Variants in PDIK1L observed in about 807,000 individuals in gnomAD.
The protein encoded by PDIK1L is serine/threonine-protein kinase PDIK1L.
PDIK1L carries 9 observed loss-of-function variants against 27.1 expected under a neutral mutation model. That is an observed-to-expected ratio of 0.33 (90% CI 0.20 to 0.58). The LOEUF (loss-of-function observed/expected upper bound fraction) is 0.58, where lower values mean the gene tolerates loss of function less well. PDIK1L is among the 20% of genes least tolerant of loss of function. The pLI, the probability that PDIK1L is intolerant of heterozygous loss-of-function variation, is 0.86. For missense variants in PDIK1L, 216 were observed against 413.2 expected (o/e 0.52, Z 4.14); for synonymous variants, 130 against 141.7 (o/e 0.92, Z 0.59).
chr1:26,114,742 G>A lies in PDIK1L; in HGVS notation c.285+149G>A, dbSNP rs2087852357. On this transcript the variant is annotated intron_variant, in intron 2 of 2. Coordinates refer to ENST00000374269, the MANE Select transcript of PDIK1L (RefSeq NM_152835.5). This position sits in a 1 kb window ranked among gnomAD's most constrained non-coding sequence, Gnocchi z 4.8. ...AGTGTCTGCCAAGAATTGAGTAGAT[G>A]TTTGCTTTAAAACAAGGTTTTATTT... 2 of 934,328 alleles carry A rather than the reference G, an allele frequency of 2.1e-6. No individual in the cohort carries two copies. The highest frequency in any genetic ancestry group is 1.6e-6 in the Non-Finnish European group (1 of 635,096). 57.9% of individuals were successfully genotyped at this position (934,328 alleles called of 1,614,324 possible).
Position 26,122,631 on chromosome 1 carries a change from T to C in PDIK1L, c.*54T>C, listed in dbSNP as rs77675351. The C allele has an allele frequency of 6.8e-4, 1,041 of 1,524,568 alleles. 7 individuals carry two copies. The African/African-American group carries it at 0.013, about 19-fold the overall frequency. The allele number at this position is 1,524,568 out of a possible 1,614,324, so 94.4% of individuals were successfully genotyped here. On this transcript the variant is annotated 3_prime_UTR_variant, in exon 3 of 3. Transcript: ENST00000374269. The surrounding 1 kb of genome is among the most constrained non-coding windows in gnomAD (Gnocchi z 5.4). ...ATATGCTGCTTCTGTTTAACAGTGA[T>C]GCAACATTATGTGGCTGAAAAAGAA...
intron 2 of PDIK1L, among the ~76,000 whole-genome samples, chr1:26,120,003 T>C (rs1191507009): frequency 1.3e-5 from 2 of 152,170 alleles, no homozygotes; most frequent in African/African-American, 4.8e-5. Context: ...AGGGAAGCCA[T>C]TGAAGGGCCT....
Position 26,122,555 on chromosome 1 carries a change from A to C in PDIK1L, c.1004A>C (p.Lys335Thr). ...LELRLVQIAF[K>T]DSSWET ...CTCAGATTAGTACAAATTGCATTTA[A>C]AGATAGCAGCTGGGAAACGTGACAC... The change falls in exon 3 of 3, where the codon AAA (lysine) becomes ACA (threonine). Residue 335 changes from lysine to threonine, a missense_variant. This residue lies in a region of PDIK1L where 169 missense variants were observed against 366.0 expected (regional missense o/e 0.46). Transcript: ENST00000374269. This position sits in a 1 kb window ranked among gnomAD's most constrained non-coding sequence, Gnocchi z 5.4. 6.2e-7 allele frequency: 1 copy of C among 1,605,380 alleles called. No homozygotes were observed. Among genetic ancestry groups the C allele is most frequent in the Non-Finnish European group, 8.5e-7 (1 of 1,174,858 alleles).
intron 2 of PDIK1L, among the ~76,000 whole-genome samples, chr1:26,119,523 CTGTA>C (rs1048387377): frequency 6.6e-6 from 1 of 151,998 alleles, no homozygotes; most frequent in Non-Finnish European, 1.5e-5. Context: ...CAGAAAAAAA[CTGTA>C]CATACAAAGG....
upstream of PDIK1L, chr1:26,111,788 T>TGTCCGCGCGCACCACGGGGGCGC (rs2087799033): frequency 6.7e-6 from 1 of 149,930 alleles, no homozygotes; most frequent in African/African-American, 2.4e-5. This position sits in a 1 kb window ranked among gnomAD's most constrained non-coding sequence, Gnocchi z 4.0. Context: ...TAAGGGGGTG[T>TGTCCGCGCGCACCACGGGGGCGC]GTCCGCGCGC....
intron 2 of PDIK1L, among the ~76,000 whole-genome samples, chr1:26,119,151 C>T (rs1478632786): frequency 2.0e-5 from 3 of 152,046 alleles, no homozygotes; most frequent in Non-Finnish European, 4.4e-5. Flanking sequence ...CTTACGCCTG[C>T]AATCCCAGCA....
chr1:26,114,220 A>G lies in PDIK1L; in HGVS notation c.-17-72A>G. 1 of 1,399,698 alleles carries G rather than the reference A, an allele frequency of 7.1e-7. No individual in the cohort carries two copies. The highest frequency in any genetic ancestry group is 1.8e-4 in the Middle Eastern group (1 of 5,456). The allele number at this position is 1,399,698 out of a possible 1,614,324, so 86.7% of individuals were successfully genotyped here. On this transcript the variant is annotated intron_variant, in intron 1 of 2. Transcript: ENST00000374269. This position sits in a 1 kb window ranked among gnomAD's most constrained non-coding sequence, Gnocchi z 4.8. ...AGACAGTCAGACAGATGACAAGTAAATCATACATAAGAAGAAATACAAGCC... is the reference window on the plus strand; with the variant it reads ...AGACAGTCAGACAGATGACAAGTAAGTCATACATAAGAAGAAATACAAGCC...
chr1:26,113,517 AAAG>A (rs1441834858), intron 1 of PDIK1L, among the ~76,000 whole-genome samples: 69 of 151,712 alleles, frequency 4.5e-4, no homozygotes, highest in African/African-American at 1.7e-3. Flanking sequence ...AAAAAAAAAA[AAAG>A]AAACGTTTCT....
chr1:26,116,840 C>T (rs952282063), intron 2 of PDIK1L, among the ~76,000 whole-genome samples: 51 of 145,466 alleles, frequency 3.5e-4, no homozygotes, highest in African/African-American at 1.2e-3. Context: ...CTCAGCCTCC[C>T]GAGTAGCTGG....
chr1:26,121,590 A>G (rs1462375468), intron 2 of PDIK1L, among the ~76,000 whole-genome samples: 1 of 152,224 alleles, frequency 6.6e-6, no homozygotes, highest in Non-Finnish European at 1.5e-5. Context: ...GCTTTTCAAA[A>G]TAAAGCTATT....
chr1:26,114,943 A>G lies in PDIK1L; in HGVS notation c.285+350A>G, dbSNP rs1275313733. Among the ~76,000 whole-genome samples the G allele has an allele frequency of 6.6e-6, 1 of 152,252 alleles. No homozygotes were observed. Among genetic ancestry groups the G allele is most frequent in the Non-Finnish European group, 1.5e-5 (1 of 68,042 alleles). ...GGACTTGAGGACAGAAGAAAAGGAA[A>G]AATTCCACAACCAGTAGCAACACCC... On this transcript the variant is annotated intron_variant, in intron 2 of 2. Coordinates refer to ENST00000374269, the MANE Select transcript of PDIK1L (RefSeq NM_152835.5). The surrounding 1 kb of genome is among the most constrained non-coding windows in gnomAD (Gnocchi z 4.8).
At chr1:26,115,280 C>T (rs1444597135) in intron 2 of PDIK1L, among the ~76,000 whole-genome samples, 1 of 152,206 alleles carries the variant, frequency 6.6e-6, no homozygotes, top group Non-Finnish European at 1.5e-5. Context: ...AAATCACATA[C>T]ATAGTAAGTG....
Position 26,121,867 on chromosome 1 carries a change from G to A in PDIK1L, c.316G>A (p.Ala106Thr), listed in dbSNP as rs2087994883. 7 of 1,609,624 alleles carry A rather than the reference G, an allele frequency of 4.3e-6. No individual in the cohort carries two copies. Among genetic ancestry groups the A allele is most frequent in the Non-Finnish European group, 5.9e-6 (7 of 1,178,334 alleles). The stretch of plus-strand genomic sequence containing the variant: ...AGAAACTTCATTAAAAGGAGAAATT[G>A]CCTTTGATCCCAGAAGCGCCTATTA... Reference protein sequence around the residue: ...LVETSLKGEIAFDPRSAYYLW... With the variant: ...LVETSLKGEITFDPRSAYYLW... The change falls in exon 3 of 3, where the codon GCC becomes ACC. Residue 106 changes from alanine to threonine, a missense_variant. By Grantham distance (58) the Ala-to-Thr change is moderately conservative (BLOSUM62 0). Around this residue, in one of 2 missense-constraint regions of PDIK1L, gnomAD observed 169 missense variants for 366.0 expected, o/e 0.46. Transcript: ENST00000374269.
At position 26,122,693 on chromosome 1, in the gene PDIK1L, T is replaced by C; in HGVS notation, c.*116T>C. On this transcript the variant is annotated 3_prime_UTR_variant, in exon 3 of 3. Coordinates refer to ENST00000374269, the MANE Select transcript of PDIK1L (RefSeq NM_152835.5). This position sits in a 1 kb window ranked among gnomAD's most constrained non-coding sequence, Gnocchi z 5.4. Reference sequence around the variant, plus strand: ...AGACTCTACCCTCTAAGGGTTTAGATTTTTTGTGGGATTTTTTTTTTCCTC... The same window carrying C: ...AGACTCTACCCTCTAAGGGTTTAGACTTTTTGTGGGATTTTTTTTTTCCTC... The C allele has an allele frequency of 8.1e-7, 1 of 1,241,510 alleles. No individual in the cohort carries two copies. The highest frequency in any genetic ancestry group is 1.1e-6 in the Non-Finnish European group (1 of 951,472). 76.9% of individuals were successfully genotyped at this position (1,241,510 alleles called of 1,614,324 possible).
At position 26,114,977 on chromosome 1, in the gene PDIK1L, T is replaced by C. The variant is rs1041782333; in HGVS notation, c.285+384T>C. Among the ~76,000 whole-genome samples, 1 of 152,228 alleles carries C rather than the reference T, an allele frequency of 6.6e-6. No homozygotes were observed. The highest frequency in any genetic ancestry group is 1.5e-5 in the Non-Finnish European group (1 of 68,038). ...AACCAGTAGCAACACCCCTAGGTAA[T>C]TGGGCATCTCTTTTATAAATCACTG... On this transcript the variant is annotated intron_variant, in intron 2 of 2. Transcript: ENST00000374269. This position sits in a 1 kb window ranked among gnomAD's most constrained non-coding sequence, Gnocchi z 4.8.
In PDIK1L at chr1:26,114,679, T is replaced by G; in HGVS notation, c.285+86T>G. On this transcript the variant is annotated intron_variant, in intron 2 of 2. Coordinates refer to ENST00000374269, the MANE Select transcript of PDIK1L (RefSeq NM_152835.5). The surrounding 1 kb of genome is among the most constrained non-coding windows in gnomAD (Gnocchi z 4.8). The stretch of plus-strand genomic sequence containing the variant: ...GGAATGAAAGGGTCAGACGAACGTT[T>G]CCCTTTAAATGCAGGTGTTTGTAGT... 7.1e-7 allele frequency: 1 copy of G among 1,406,980 alleles called. No individual in the cohort carries two copies. Among genetic ancestry groups the G allele is most frequent in the Non-Finnish European group, 9.7e-7 (1 of 1,026,378 alleles). The allele number at this position is 1,406,980 out of a possible 1,614,324, so 87.2% of individuals were successfully genotyped here. A position where few individuals can be genotyped will look rare whatever the true frequency, so the allele number is the denominator to read the frequency against.
At chr1:26,117,036 T>C (rs1015316274) in intron 2 of PDIK1L, among the ~76,000 whole-genome samples, 4 of 102,100 alleles carry the variant, frequency 3.9e-5, no homozygotes, top group Admixed American at 1.8e-4. Flanking sequence ...TTTTTTTTTT[T>C]TTTTTTCTTT....
At chr1:26,119,839 CAG>C (rs1387313210) in intron 2 of PDIK1L, among the ~76,000 whole-genome samples, 1 of 151,806 alleles carries the variant, frequency 6.6e-6, no homozygotes, top group Non-Finnish European at 1.5e-5. Context: ...AGCCTGGCAA[CAG>C]AGTGAGACTC....
Position 26,114,709 on chromosome 1 carries a change from A to G in PDIK1L, c.285+116A>G. ...TTAAATGCAGGTGTTTGTAGTTAGA[A>G]GTAGATAAGTGTCTGCCAAGAATTG... On this transcript the variant is annotated intron_variant, in intron 2 of 2. Coordinates refer to ENST00000374269, the MANE Select transcript of PDIK1L (RefSeq NM_152835.5). The surrounding 1 kb of genome is among the most constrained non-coding windows in gnomAD (Gnocchi z 4.8). The G allele has an allele frequency of 8.7e-7, 1 of 1,151,288 alleles. No individual in the cohort carries two copies. The highest frequency in any genetic ancestry group is 1.2e-6 in the Non-Finnish European group (1 of 818,300). The allele number at this position is 1,151,288 out of a possible 1,614,324, so 71.3% of individuals were successfully genotyped here. A position where few individuals can be genotyped will look rare whatever the true frequency, so the allele number is the denominator to read the frequency against.
Sources: gnomAD v4.1 joint callset for allele counts (sites outside exome capture counted in the v4.1 genomes callset) on GRCh38, gnomAD v4.1.1 for gene constraint, gnomAD v4.1.1 regional missense constraint, Gnocchi (gnomAD v3.1) non-coding constraint, MANE v1.5 for transcripts, NCBI Gene and HGNC (gene_info 2026-07-23, HGNC 2026-07-21) for gene names.